The following CALML4 variants were observed in gnomAD, a reference collection of about 807,000 sequenced individuals.
CALML4 encodes the protein calmodulin-like protein 4.
A neutral mutation model predicts 17.9 loss-of-function variants in CALML4; 16 were observed. The ratio of observed to expected loss-of-function variants is 0.89; its 90% CI spans 0.61 to 1.36. The LOEUF is 1.36. CALML4 is among the 40% of genes most tolerant of loss of function. The pLI, the probability that CALML4 is intolerant of heterozygous loss-of-function variation, is 0.00. For missense variants in CALML4, 203 were observed against 194.8 expected (o/e 1.04, Z -0.25); for synonymous variants, 86 against 71.5 (o/e 1.20, Z -1.02).
At position 68,197,573 on chromosome 15, in the gene CALML4, T is replaced by C; in HGVS notation, c.231A>G (p.Ile77Met). ...STFLTIMHMQIKQEDPKKEIL... is the reference protein window; with the variant it reads ...STFLTIMHMQMKQEDPKKEIL... ...TTTCTTTCTTTGGGTCTTCTTGTTT[T>C]ATTTGCATGTGCATAATGGTCAGAA... The change falls in exon 4 of 5, where the codon ATA (isoleucine) becomes ATG (methionine). Residue 77 changes from isoleucine to methionine, a missense_variant. Transcript: ENST00000467889. This position sits in a 1 kb window ranked among gnomAD's most constrained non-coding sequence, Gnocchi z 4.1. The C allele has an allele frequency of 1.9e-6, 3 of 1,614,200 alleles. No homozygotes were observed. The highest frequency in any genetic ancestry group is 2.2e-5 in the East Asian group (1 of 44,870).
rs1327420205 is a variant in CALML4 at position 68,190,880 on chromosome 15, C to T, written c.*3135G>A. ...TGTATCTTTACTGAGGAAAGATTCA[C>T]GTAAGCTCTGAAAAATCGGATTCTT... is the stretch of plus-strand genomic sequence containing the variant. On this transcript the variant is annotated 3_prime_UTR_variant, in exon 5 of 5. Coordinates refer to ENST00000467889, the MANE Select transcript of CALML4 (RefSeq NM_033429.3). This position sits in a 1 kb window ranked among gnomAD's most constrained non-coding sequence, Gnocchi z 4.7. 4 of 152,216 alleles carry T rather than the reference C, an allele frequency of 2.6e-5. No homozygotes were observed. The highest frequency in any genetic ancestry group is 1.3e-4 in the Admixed American group (2 of 15,280). The allele number at this position is 152,216 out of a possible 1,614,324, so 9.4% of individuals were successfully genotyped here. A position where few individuals can be genotyped will look rare whatever the true frequency, so the allele number is the denominator to read the frequency against.
chr15:68,199,636 T>G lies in CALML4; in HGVS notation c.80A>C (p.Lys27Thr), dbSNP rs780880443. Residue 27 changes from lysine to threonine, a missense_variant, in exon 3 of 5, where the codon AAG (lysine) becomes ACG (threonine). Transcript: ENST00000467889. Reference sequence around the variant, plus strand: ...CACCATGAGGTCGGTGGCTTTTATCTTCCCCCTCTGCTGCTTGTCATACAG... The same window carrying G: ...CACCATGAGGTCGGTGGCTTTTATCGTCCCCCTCTGCTGCTTGTCATACAG... ...FSLYDKQQRG[K>T]IKATDLMVAM... 1 of 1,613,436 alleles carries G rather than the reference T, an allele frequency of 6.2e-7. No homozygotes were observed. The highest frequency in any genetic ancestry group is 8.5e-7 in the Non-Finnish European group (1 of 1,179,926).
At chr15:68,194,384 C>CTTT (rs56240648) in intron 4 of CALML4, among the ~76,000 whole-genome samples, 18 of 141,088 alleles carry the variant, frequency 1.3e-4, no homozygotes, top group African/African-American at 3.4e-4. Context: ...CCACCGTGTG[C>CTTT]TTTTTTTTTT....
At chr15:68,195,985 A>C (rs963200688) in intron 4 of CALML4, among the ~76,000 whole-genome samples, 11 of 152,146 alleles carry the variant, frequency 7.2e-5, no homozygotes, top group Non-Finnish European at 1.5e-4. Flanking sequence ...TTCCCTATCC[A>C]TGTGAAAACA....
intron 3 of CALML4, chr15:68,198,744 T>G (rs888296147): frequency 9.8e-6 from 1 of 102,294 alleles, no homozygotes; most frequent in Non-Finnish European, 2.4e-5. Context: ...CAATAGTTTT[T>G]CTAAAAACTA....
rs1266933885 is a variant in CALML4 at position 68,192,419 on chromosome 15, C to T, written c.*1596G>A. On this transcript the variant is annotated 3_prime_UTR_variant, in exon 5 of 5. Transcript: ENST00000467889. ...CAGCCAAATCTCGTAAACCTCAGACCCCACAAAACATCTGCTCCTACACTG... is the reference window on the plus strand; with the variant it reads ...CAGCCAAATCTCGTAAACCTCAGACTCCACAAAACATCTGCTCCTACACTG... The T allele has an allele frequency of 6.6e-6, 1 of 152,138 alleles. No individual in the cohort carries two copies. Among genetic ancestry groups the T allele is most frequent in the African/African-American group, 2.4e-5 (1 of 41,410 alleles). The allele number at this position is 152,138 out of a possible 1,614,324, so 9.4% of individuals were successfully genotyped here. A position where few individuals can be genotyped will look rare whatever the true frequency, so the allele number is the denominator to read the frequency against.
In CALML4 at chr15:68,190,770, A is replaced by C. The variant is rs1006866341; in HGVS notation, c.*3245T>G. ...ATTGGATACATCTTAAAAAAAAAAA[A>C]TCTGAACCAGAACCATGCCATACTT... is the stretch of plus-strand genomic sequence containing the variant. On this transcript the variant is annotated 3_prime_UTR_variant, in exon 5 of 5. Coordinates refer to ENST00000467889, the MANE Select transcript of CALML4 (RefSeq NM_033429.3). The surrounding 1 kb of genome is among the most constrained non-coding windows in gnomAD (Gnocchi z 4.7). The C allele has an allele frequency of 6.6e-6, 1 of 152,120 alleles. No homozygotes were observed. The highest frequency in any genetic ancestry group is 2.4e-5 in the African/African-American group (1 of 41,422). 9.4% of individuals were successfully genotyped at this position (152,120 alleles called of 1,614,324 possible). A position where few individuals can be genotyped will look rare whatever the true frequency, so the allele number is the denominator to read the frequency against.
At chr15:68,194,330 G>C (rs2093133434) in intron 4 of CALML4, among the ~76,000 whole-genome samples, 1 of 151,710 alleles carries the variant, frequency 6.6e-6, no homozygotes, top group Non-Finnish European at 1.5e-5. Context: ...TTCTGCAGGG[G>C]CAGGGAGTAG....
rs527902581 is a variant in CALML4 at position 68,204,659 on chromosome 15, G to A, written c.34+462C>T. On this transcript the variant is annotated intron_variant, in intron 2 of 4. Transcript: ENST00000467889. The surrounding 1 kb of genome is among the most constrained non-coding windows in gnomAD (Gnocchi z 6.0). ...AAACCAGGCTTGATGCCAGGGCAAA[G>A]GGGGCTCAGTGGACCCTCCATTTTA... Among the ~76,000 whole-genome samples the A allele has an allele frequency of 4.6e-5, 7 of 152,316 alleles. No individual in the cohort carries two copies. The East Asian group carries it at 1.4e-3, about 29-fold the overall frequency.
At chr15:68,195,843 C>A (rs1283629959) in intron 4 of CALML4, among the ~76,000 whole-genome samples, 2 of 152,128 alleles carry the variant, frequency 1.3e-5, no homozygotes, top group African/African-American at 4.8e-5. Context: ...GAGTCTGGGG[C>A]CATGGCATTG....
upstream of CALML4, chr15:68,205,687 G>T (rs1003646249): frequency 3.4e-5 from 12 of 351,038 alleles, no homozygotes; most frequent in African/African-American, 2.1e-4. This position sits in a 1 kb window ranked among gnomAD's most constrained non-coding sequence, Gnocchi z 4.8. Context: ...CATCTTGTAG[G>T]AGGAAGGGAA....
In CALML4 at chr15:68,194,042, C is replaced by G. The variant is rs775971661; in HGVS notation, c.435G>C (p.Lys145Asn). The G allele has an allele frequency of 3.1e-6, 5 of 1,614,072 alleles. No homozygotes were observed. In the Admixed American group the frequency reaches 8.3e-5, roughly 27 times the overall value. ...AATAGTCCCGTCCAGGAAGGGTGATCTTGTGGATAAATTCATCATACTTCA... is the reference window on the plus strand; with the variant it reads ...AATAGTCCCGTCCAGGAAGGGTGATGTTGTGGATAAATTCATCATACTTCA... ...GKVKYDEFIHKITLPGRDY is the reference protein window; with the variant it reads ...GKVKYDEFIHNITLPGRDY The change falls in exon 5 of 5, where the codon AAG (lysine) becomes AAC (asparagine). Residue 145 changes from lysine to asparagine, a missense_variant. Physicochemically the swap from Lys to Asn is moderately conservative, Grantham distance 94 (BLOSUM62 0). Transcript: ENST00000467889.
rs969029666 is a variant in CALML4, at chr15:68,193,671, TG to T, written c.*343del. The T allele has an allele frequency of 2.7e-5, 6 of 225,592 alleles. No individual in the cohort carries two copies. Among genetic ancestry groups the T allele is most frequent in the Admixed American group, 5.2e-5 (1 of 19,244 alleles). 14.0% of individuals were successfully genotyped at this position (225,592 alleles called of 1,614,324 possible). On this transcript the variant is annotated 3_prime_UTR_variant, in exon 5 of 5. Transcript: ENST00000467889. ...GTAAGAAGTGGGAATCCAGCTTGTG[TG>T]GGGGGGCTTTGAGGAGTGAAATGAT...
chr15:68,196,471 A>C (rs2093145039), intron 4 of CALML4, among the ~76,000 whole-genome samples: 1 of 152,160 alleles, frequency 6.6e-6, no homozygotes, highest in South Asian at 2.1e-4. Flanking sequence ...CAGAGACGGA[A>C]AGTCCGTCAT....
chr15:68,197,550 T>C lies in CALML4; in HGVS notation c.254A>G (p.Glu85Gly). The stretch of plus-strand genomic sequence containing the variant: ...CACCATCAACATGGCTAGAAGAATT[T>C]CTTTCTTTGGGTCTTCTTGTTTTAT... ...MQIKQEDPKK[E>G]ILLAMLMVDK... is the part of the protein sequence containing the mutation. Residue 85 changes from glutamate (E) to glycine (G), a missense_variant, in exon 4 of 5, where the codon GAA (glutamate) becomes GGA (glycine). Glu to Gly is a moderately conservative substitution (Grantham distance 98). Transcript: ENST00000467889. The surrounding 1 kb of genome is among the most constrained non-coding windows in gnomAD (Gnocchi z 4.1). The C allele has an allele frequency of 6.2e-7, 1 of 1,614,142 alleles. No individual in the cohort carries two copies. The highest frequency in any genetic ancestry group is 8.5e-7 in the Non-Finnish European group (1 of 1,179,982).
In CALML4 at chr15:68,191,581, GTAAC is replaced by G. The variant is rs143191196; in HGVS notation, c.*2430_*2433del. 447 of 152,776 alleles carry G rather than the reference GTAAC, an allele frequency of 2.9e-3. 4 individuals are homozygous for G. In the East Asian group the frequency reaches 0.04, roughly 14 times the overall value. The allele number at this position is 152,776 out of a possible 1,614,324, so 9.5% of individuals were successfully genotyped here. On this transcript the variant is annotated 3_prime_UTR_variant, in exon 5 of 5. Transcript: ENST00000467889. Reference sequence around the variant, plus strand: ...ATCCAGAGATTTCAAAGCATGACAAGTAACTAACTAATTTTCTTGCAGCATGCTT... The same window carrying G: ...ATCCAGAGATTTCAAAGCATGACAAGTAACTAATTTTCTTGCAGCATGCTT...
upstream of CALML4, chr15:68,205,398 C>G: frequency 6.2e-7 from 1 of 1,613,126 alleles, no homozygotes; most frequent in Non-Finnish European, 8.5e-7. This position sits in a 1 kb window ranked among gnomAD's most constrained non-coding sequence, Gnocchi z 4.8. Flanking sequence ...CCGACGCCAC[C>G]AGGGTCAGAT....
Position 68,204,882 on chromosome 15 carries a change from C to A in CALML4, c.34+239G>T, listed in dbSNP as rs2093176959. Among the ~76,000 whole-genome samples, 1 of 152,122 alleles carries A rather than the reference C, an allele frequency of 6.6e-6. No individual in the cohort carries two copies. On this transcript the variant is annotated intron_variant, in intron 2 of 4. Coordinates refer to ENST00000467889, the MANE Select transcript of CALML4 (RefSeq NM_033429.3). This position sits in a 1 kb window ranked among gnomAD's most constrained non-coding sequence, Gnocchi z 6.0. ...GTTCTGGAGGGAAACCTAGTAAGTT[C>A]TGTCTTAGCGCCCTGGCTTGTAAGT...
At chr15:68,196,120 C>G (rs1003125667) in intron 4 of CALML4, among the ~76,000 whole-genome samples, 4 of 152,204 alleles carry the variant, frequency 2.6e-5, no homozygotes, top group African/African-American at 9.6e-5. Context: ...GCAAGCTCGG[C>G]TCACTGCAAC....
Sources: gnomAD v4.1 joint callset for allele counts (sites outside exome capture counted in the v4.1 genomes callset) on GRCh38, gnomAD v4.1.1 for gene constraint, Gnocchi (gnomAD v3.1) non-coding constraint, MANE v1.5 for transcripts, NCBI Gene and HGNC (gene_info 2026-07-23, HGNC 2026-07-21) for gene names.